Variants in CCDC175 observed in about 807,000 individuals in gnomAD.
CCDC175 encodes the protein coiled-coil domain containing 175.
In CCDC175, 100 loss-of-function variants were observed where a neutral mutation model predicts 114.6. That is an observed-to-expected ratio of 0.87 (90% CI 0.74 to 1.03). The LOEUF (loss-of-function observed/expected upper bound fraction) is 1.03, where lower values mean the gene tolerates loss of function less well. CCDC175 is among the 50% of genes least tolerant of loss of function. The pLI is 0.00. For synonymous variants in CCDC175, 306 were observed against 308.7 expected, an observed-to-expected ratio of 0.99 and a Z score of 0.09; for missense variants, 880 against 917.8, an observed-to-expected ratio of 0.96 and a Z score of 0.53.
intron 17 of CCDC175, among the ~76,000 whole-genome samples, chr14:59,515,079 G>A (rs1471453435): frequency 6.6e-6 from 1 of 152,156 alleles, no homozygotes; most frequent in Non-Finnish European, 1.5e-5. Flanking sequence ...CTTCATAAAT[G>A]AAGGAGAAAT....
chr14:59,519,575 A>G (rs1220649773), intron 17 of CCDC175, among the ~76,000 whole-genome samples: 1 of 152,254 alleles, frequency 6.6e-6, no homozygotes, highest in African/African-American at 2.4e-5. Flanking sequence ...CAGAAAACGT[A>G]AAGATTTTAA....
intron 14 of CCDC175, 115 bp from the exon 15 acceptor site, chr14:59,527,289 A>C (rs924151364): frequency 1.8e-6 from 1 of 549,144 alleles, no homozygotes; most frequent in African/African-American, 2.0e-5. Context: ...ACAAAAACCA[A>C]CTGTCAGGCA....
intron 7 of CCDC175, among the ~76,000 whole-genome samples, chr14:59,559,662 C>G (rs1359843135): frequency 2.0e-5 from 3 of 152,102 alleles, no homozygotes; most frequent in Non-Finnish European, 4.4e-5. Context: ...TCTTCACAGA[C>G]AGAGGAAACA....
intron 6 of CCDC175, among the ~76,000 whole-genome samples, chr14:59,562,383 C>A (rs1896272013): frequency 6.6e-6 from 1 of 152,190 alleles, no homozygotes; most frequent in Non-Finnish European, 1.5e-5. Flanking sequence ...CAGCCAACAA[C>A]AACGGCAACA....
At chr14:59,527,427 T>C (rs1262013513) in intron 14 of CCDC175, among the ~76,000 whole-genome samples, 1 of 152,126 alleles carries the variant, frequency 6.6e-6, no homozygotes, top group Non-Finnish European at 1.5e-5. Flanking sequence ...ATTTTCTGAT[T>C]TATCATTTTC....
At chr14:59,549,762 A>G (rs1895351582) in intron 8 of CCDC175, among the ~76,000 whole-genome samples, 1 of 151,754 alleles carries the variant, frequency 6.6e-6, no homozygotes, top group African/African-American at 2.4e-5. Context: ...GAAAGAAAAG[A>G]AAGGAAATTA....
In CCDC175 at chr14:59,517,820, C is replaced by G. The variant is rs563257572; in HGVS notation, c.2098+3754G>C. On this transcript the variant is annotated intron_variant, in intron 17 of 19. Transcript: ENST00000537690. ...TTCTTCACAGAATTGGAAAAAACTA[C>G]TTTAAAGTTCATATGGAACCAAAAA... Among the ~76,000 whole-genome samples, 48 of 152,254 alleles carry G rather than the reference C, an allele frequency of 3.2e-4. No individual in the cohort carries two copies. The East Asian group carries it at 9.1e-3, about 29-fold the overall frequency.
intron 13 of CCDC175, 120 bp from the exon 14 acceptor site, chr14:59,532,030 G>C: frequency 1.7e-6 from 1 of 582,288 alleles, no homozygotes; most frequent in Admixed American, 3.4e-5. Context: ...CCTATCCTGA[G>C]GTACATAGAA....
intron 4 of CCDC175, 47 bp downstream of exon 4, chr14:59,568,198 A>T: frequency 6.7e-7 from 1 of 1,485,364 alleles, no homozygotes; most frequent in East Asian, 2.5e-5. Context: ...TTCCCACTCC[A>T]GCCTCAGACC....
chr14:59,554,855 A>G (rs1895777714), intron 7 of CCDC175, among the ~76,000 whole-genome samples: 2 of 152,316 alleles, frequency 1.3e-5, no homozygotes, highest in South Asian at 4.1e-4. Flanking sequence ...CAAATAAACT[A>G]GAAAATCTAG....
At chr14:59,508,894 TA>T (rs1397498794) in intron 19 of CCDC175, among the ~76,000 whole-genome samples, 1 of 152,172 alleles carries the variant, frequency 6.6e-6, no homozygotes, top group Non-Finnish European at 1.5e-5. Context: ...GTGTTATTTA[TA>T]AGCTACCCAG....
chr14:59,568,202 T>C, intron 4 of CCDC175, 43 bp downstream of exon 4: 1 of 1,494,724 alleles, frequency 6.7e-7, no homozygotes, highest in Non-Finnish European at 8.8e-7. Flanking sequence ...CACTCCAGCC[T>C]CAGACCCCTG....
Position 59,508,307 on chromosome 14 carries a change from C to G in CCDC175, c.2305+2339G>C, listed in dbSNP as rs921704221. Among the ~76,000 whole-genome samples the G allele has an allele frequency of 1.3e-4, 19 of 151,582 alleles. No individual in the cohort carries two copies. The East Asian group carries it at 3.5e-3, about 28-fold the overall frequency. ...TAGGTCCATGGCACACACATATAAT[C>G]CCAGCACTTTAGGAGGCTGAGGCAG... On this transcript the variant is annotated intron_variant, in intron 19 of 19. Transcript: ENST00000537690.
intron 2 of CCDC175, among the ~76,000 whole-genome samples, chr14:59,573,615 TTTG>T: frequency 1.5e-5 from 1 of 67,056 alleles, no homozygotes; most frequent in African/African-American, 5.0e-5. Flanking sequence ...TTTTTGTTTT[TTTG>T]TTTTTTTTTT....
chr14:59,556,806 T>G (rs555675221), intron 7 of CCDC175, among the ~76,000 whole-genome samples: 129 of 152,146 alleles, frequency 8.5e-4, no homozygotes, highest in African/African-American at 2.9e-3. Context: ...GTGGGCAAAG[T>G]ATATGAACAG....
chr14:59,554,533 C>A (rs548216086), intron 7 of CCDC175, among the ~76,000 whole-genome samples: 101 of 152,246 alleles, frequency 6.6e-4, no homozygotes, highest in African/African-American at 2.3e-3. Flanking sequence ...AAAATTGACA[C>A]CCTAATATCA....
intron 16 of CCDC175, among the ~76,000 whole-genome samples, chr14:59,524,093 A>G (rs61985516): frequency 1.3e-5 from 2 of 152,188 alleles, no homozygotes; most frequent in African/African-American, 4.8e-5. Flanking sequence ...GATCTGCCCA[A>G]AGTCACACAG....
At chr14:59,551,850 C>A (rs1249594123) in intron 7 of CCDC175, among the ~76,000 whole-genome samples, 1 of 152,224 alleles carries the variant, frequency 6.6e-6, no homozygotes, top group Admixed American at 6.5e-5. Flanking sequence ...GGATCCCACG[C>A]CCATGGAGCC....
chr14:59,533,557 C>T (rs886953926), intron 13 of CCDC175, among the ~76,000 whole-genome samples: 9 of 152,178 alleles, frequency 5.9e-5, no homozygotes, highest in African/African-American at 2.2e-4. Context: ...ATGTCTCCTC[C>T]CAAATTGCCA....
Sources: allele counts gnomAD v4.1 joint callset (sites outside exome capture counted in the v4.1 genomes callset), GRCh38; gene constraint gnomAD v4.1.1; transcripts MANE v1.5; gene names NCBI Gene and HGNC (gene_info 2026-07-23, HGNC 2026-07-21).